Variants in GALNT2 observed in about 807,000 individuals in gnomAD.
The protein encoded by GALNT2 is polypeptide N-acetylgalactosaminyltransferase 2.
Under a neutral mutation model 81.4 loss-of-function variants are expected in GALNT2, and 31 were observed. The observed-to-expected ratio is 0.38, with a 90% confidence interval of 0.29 to 0.51. GALNT2 has a LOEUF of 0.51. Ranked by LOEUF, GALNT2 falls within the 20% of genes least tolerant of loss-of-function variation. GALNT2 has a pLI of 0.87. For synonymous variants in GALNT2, 303 were observed against 287.4 expected (o/e 1.05, Z -0.55); for missense variants, 629 against 765.7 (o/e 0.82, Z 2.11).
At chr1:230,111,075 TAC>T (rs1400876248) in intron 1 of GALNT2, among the ~76,000 whole-genome samples, 1 of 152,220 alleles carries the variant, frequency 6.6e-6, no homozygotes, top group African/African-American at 2.4e-5. Context: ...CATACATATG[TAC>T]ACACTGCATG....
At chr1:230,074,234 A>G (rs1463379214) in intron 1 of GALNT2, among the ~76,000 whole-genome samples, 6 of 152,106 alleles carry the variant, frequency 3.9e-5, no homozygotes, top group African/African-American at 1.4e-4. Context: ...CTAAGACTAT[A>G]GGCATGTGTC....
At chr1:230,244,027 T>C (rs1345522801) in intron 7 of GALNT2, among the ~76,000 whole-genome samples, 3 of 151,888 alleles carry the variant, frequency 2.0e-5, no homozygotes, top group Non-Finnish European at 4.4e-5. Context: ...ATTTGGCCTT[T>C]TTTCACTTCT....
intron 1 of GALNT2, among the ~76,000 whole-genome samples, chr1:230,096,140 C>A (rs886753608): frequency 6.6e-6 from 1 of 152,140 alleles, no homozygotes; most frequent in African/African-American, 2.4e-5. Context: ...CCTGGGGGCC[C>A]TTTTGATTTT....
intron 2 of GALNT2, among the ~76,000 whole-genome samples, chr1:230,185,525 TC>T (rs1349681864): frequency 2.6e-5 from 4 of 152,026 alleles, no homozygotes; most frequent in Non-Finnish European, 4.4e-5. Flanking sequence ...CTTCTCAGCT[TC>T]CCCCTCTCCA....
At position 230,271,774 on chromosome 1, in the gene GALNT2, T is replaced by C. The variant is rs969482484; in HGVS notation, c.1441-2671T>C. On this transcript the variant is annotated intron_variant, in intron 14 of 15. Coordinates refer to ENST00000366672, the MANE Select transcript of GALNT2 (RefSeq NM_004481.5). The surrounding 1 kb of genome is among the most constrained non-coding windows in gnomAD (Gnocchi z 4.2). ...GGAGCTTCCACGCCCTCTCCAGGTG[T>C]GCCGCTCTCCCAGCGCCTCCGCATG... Among the ~76,000 whole-genome samples the C allele has an allele frequency of 2.0e-5, 3 of 152,212 alleles. No individual in the cohort carries two copies. The highest frequency in any genetic ancestry group is 4.4e-5 in the Non-Finnish European group (3 of 68,042).
chr1:230,135,543 G>C (rs1661510256), intron 1 of GALNT2, among the ~76,000 whole-genome samples: 1 of 152,206 alleles, frequency 6.6e-6, no homozygotes, highest in African/African-American at 2.4e-5. Flanking sequence ...ACACGGCGGG[G>C]AGGTGGAGGC....
rs143668024 is a variant in GALNT2, at chr1:230,279,443, C to G, written c.1701C>G (p.Leu567=). 1.9e-6 allele frequency: 3 copies of G among 1,613,998 alleles called. No homozygotes were observed. The highest frequency in any genetic ancestry group is 2.5e-6 in the Non-Finnish European group (3 of 1,179,952). The change falls in exon 16 of 16, where the codon CTC becomes CTG. Residue 567 remains leucine (L), a synonymous_variant. Transcript: ENST00000366672. The surrounding 1 kb of genome is among the most constrained non-coding windows in gnomAD (Gnocchi z 4.6). ...PALSQQWKFT[L]NLQQ is the part of the protein sequence containing the mutation. ...TTTCGCAGCAGTGGAAGTTCACGCT[C>G]AACCTGCAGCAGTAGGAGGGTCCGG...
chr1:230,124,292 A>G (rs1285468675), intron 1 of GALNT2, among the ~76,000 whole-genome samples: 1 of 152,238 alleles, frequency 6.6e-6, no homozygotes, highest in African/African-American at 2.4e-5. Flanking sequence ...AGAGACACCA[A>G]TTCTTAAGCA....
chr1:230,114,234 C>G lies in GALNT2; in HGVS notation c.126+46828C>G, dbSNP rs1356097545. On this transcript the variant is annotated intron_variant, in intron 1 of 15. Coordinates refer to ENST00000366672, the MANE Select transcript of GALNT2 (RefSeq NM_004481.5). ...TTTTCAGTTCGTCTTCCTGGTGTTT[C>G]CGCGCCTCATTCTAGGGGGAGGTTT... is the stretch of plus-strand genomic sequence containing the variant. Among the ~76,000 whole-genome samples the G allele has an allele frequency of 3.3e-5, 5 of 152,286 alleles. No homozygotes were observed. The East Asian group carries it at 9.7e-4, about 29-fold the overall frequency.
At chr1:230,181,059 A>G (rs1663143688) in intron 2 of GALNT2, among the ~76,000 whole-genome samples, 1 of 150,714 alleles carries the variant, frequency 6.6e-6, no homozygotes, top group African/African-American at 2.5e-5. Context: ...AACAAATAGG[A>G]TTTTATTTAT....
chr1:230,229,854 A>G (rs1160589387), intron 3 of GALNT2, among the ~76,000 whole-genome samples: 2 of 152,200 alleles, frequency 1.3e-5, no homozygotes, highest in African/African-American at 4.8e-5. Context: ...TAATTTATGA[A>G]TACATACATG....
rs1217436545 is a variant in GALNT2 at position 230,279,167 on chromosome 1, C to T, written c.1561-136C>T. 14 of 909,440 alleles carry T rather than the reference C, an allele frequency of 1.5e-5. No individual in the cohort carries two copies. Among genetic ancestry groups the T allele is most frequent in the Non-Finnish European group, 2.1e-5 (13 of 617,188 alleles). The allele number at this position is 909,440 out of a possible 1,614,324, so 56.3% of individuals were successfully genotyped here. On this transcript the variant is annotated intron_variant, in intron 15 of 15. Coordinates refer to ENST00000366672, the MANE Select transcript of GALNT2 (RefSeq NM_004481.5). The surrounding 1 kb of genome is among the most constrained non-coding windows in gnomAD (Gnocchi z 4.6). ...GTGGGGCTGCTGCAAGCTCCTCGGC[C>T]GTTCAGATGAGAGGCTGGGAAAAAC...
chr1:230,081,168 C>T (rs2102753638), intron 1 of GALNT2, among the ~76,000 whole-genome samples: 1 of 152,280 alleles, frequency 6.6e-6, no homozygotes, highest in South Asian at 2.1e-4. Context: ...GATGAAGGGG[C>T]TCCTGCAGCC....
At chr1:230,189,873 A>G (rs955960179) in intron 2 of GALNT2, among the ~76,000 whole-genome samples, 1 of 152,190 alleles carries the variant, frequency 6.6e-6, no homozygotes, top group Admixed American at 6.5e-5. Flanking sequence ...TGGGTCCCTC[A>G]TATGAGTGCA....
intron 1 of GALNT2, among the ~76,000 whole-genome samples, chr1:230,106,763 G>A (rs1244863738): frequency 2.2e-5 from 2 of 91,638 alleles, no homozygotes; most frequent in Non-Finnish European, 4.1e-5. Context: ...GTGAGCTTGG[G>A]CAGTGCTGGA....
intron 1 of GALNT2, among the ~76,000 whole-genome samples, chr1:230,140,490 G>A (rs145347525): frequency 1.3e-5 from 2 of 152,332 alleles, no homozygotes; most frequent in African/African-American, 2.4e-5. Flanking sequence ...GCACAGTGGA[G>A]CGTGACTTCC....
intron 1 of GALNT2, among the ~76,000 whole-genome samples, chr1:230,133,393 A>C (rs1444490324): frequency 2.0e-5 from 3 of 152,120 alleles, no homozygotes; most frequent in African/African-American, 7.2e-5. Context: ...TTTGCAAATA[A>C]AATCTTTGTT....
chr1:230,199,359 G>A (rs1039812497), intron 2 of GALNT2, among the ~76,000 whole-genome samples: 3 of 152,142 alleles, frequency 2.0e-5, no homozygotes, highest in African/African-American at 7.2e-5. Flanking sequence ...TCTGGGGGTA[G>A]CTTCAAACCT....
At chr1:230,159,552 A>G (rs1351261813) in intron 1 of GALNT2, among the ~76,000 whole-genome samples, 5 of 152,166 alleles carry the variant, frequency 3.3e-5, no homozygotes, top group African/African-American at 1.2e-4. Flanking sequence ...GGGGACGGTC[A>G]CTTTGCTCTA....
Sources: allele counts gnomAD v4.1 joint callset (sites outside exome capture counted in the v4.1 genomes callset), GRCh38; gene constraint gnomAD v4.1.1; non-coding constraint Gnocchi (gnomAD v3.1); transcripts MANE v1.5; gene names NCBI Gene and HGNC (gene_info 2026-07-23, HGNC 2026-07-21).